Variants in ZNF880 observed in about 807,000 individuals in gnomAD.
The protein encoded by ZNF880 is zinc finger protein LOC400713.
ZNF880 carries 12 observed loss-of-function variants against 11.8 expected under a neutral mutation model. The observed-to-expected ratio is 1.02, with a 90% CI of 0.65 to 1.65. ZNF880 has a LOEUF of 1.65. Among genes scored for constraint, ZNF880 ranks in the 40% most tolerant of loss-of-function variants. ZNF880 has a pLI of 0.00. For synonymous variants in ZNF880, 210 were observed against 232.4 expected (o/e 0.90, Z 0.88); for missense variants, 601 against 673.9 (o/e 0.89, Z 1.20).
At chr19:52,370,608 A>AC (rs1225661664) in intron 1 of ZNF880, 5 of 152,004 alleles carry the variant, frequency 3.3e-5, no homozygotes. Context: ...ACATAGTGAG[A>AC]CCCCCATCTC....
chr19:52,366,929 A>G, upstream of ZNF880: 2 of 593,844 alleles, frequency 3.4e-6, no homozygotes, highest in South Asian at 4.7e-5. Flanking sequence ...ACAAATGTAA[A>G]GTTAATAACA....
the ZNF880 span, among the ~76,000 whole-genome samples, chr19:52,394,604 G>C: frequency 6.6e-6 from 1 of 152,016 alleles, no homozygotes; most frequent in Non-Finnish European, 1.5e-5. Context: ...TTGTTCTAGA[G>C]ATTTTTGTAG....
chr19:52,372,445 G>A (rs193302009), intron 1 of ZNF880, among the ~76,000 whole-genome samples: 3,868 of 148,750 alleles, frequency 0.026, 171 homozygotes, highest in African/African-American at 0.09. Context: ...CCGCCACTAC[G>A]CCTGGCTAAT....
At chr19:52,379,415 T>C in intron 3 of ZNF880, 1 of 427,168 alleles carries the variant, frequency 2.3e-6, no homozygotes, top group Non-Finnish European at 4.6e-6. Flanking sequence ...TTTTTTTTTT[T>C]GATAGAGTCT....
intron 1 of ZNF880, among the ~76,000 whole-genome samples, chr19:52,372,534 C>T (rs113063378): frequency 2.0e-5 from 3 of 150,724 alleles, no homozygotes; most frequent in African/African-American, 7.3e-5. Context: ...ATGATCCACC[C>T]GCCTTGGCCT....
intron 3 of ZNF880, among the ~76,000 whole-genome samples, chr19:52,381,633 T>A (rs1993531): frequency 0.4 from 54,832 of 136,626 alleles, 10,162 homozygotes; most frequent in South Asian, 0.54. Context: ...TCTGTAGATT[T>A]TTTAAATCTT....
At chr19:52,373,767 G>A (rs909563834) in intron 2 of ZNF880, among the ~76,000 whole-genome samples, 3 of 139,814 alleles carry the variant, frequency 2.1e-5, no homozygotes, top group Non-Finnish European at 3.0e-5. Context: ...TCCGCCTCCC[G>A]TTTTCAAGCA....
At chr19:52,369,403 C>T (rs182041675), upstream of ZNF880, among the ~76,000 whole-genome samples, 1 of 150,862 alleles carries the variant, frequency 6.6e-6, no homozygotes, top group Non-Finnish European at 1.5e-5. Flanking sequence ...CACATTCCGC[C>T]CTGGCAGGGT....
intron 3 of ZNF880, 55 bp downstream of exon 3, chr19:52,374,482 A>T: frequency 6.5e-7 from 1 of 1,550,322 alleles, no homozygotes; most frequent in Non-Finnish European, 8.7e-7. Flanking sequence ...TTTTTTAAAC[A>T]GGGTCTTGCT....
the ZNF880 span, among the ~76,000 whole-genome samples, chr19:52,392,381 A>G: frequency 1.3e-5 from 2 of 151,998 alleles, no homozygotes; most frequent in African/African-American, 4.8e-5. Flanking sequence ...GCTCATTGCA[A>G]CCGCCACCTC....
At chr19:52,380,660 T>C (rs1218506274) in intron 3 of ZNF880, among the ~76,000 whole-genome samples, 1 of 152,184 alleles carries the variant, frequency 6.6e-6, no homozygotes, top group Admixed American at 6.6e-5. Flanking sequence ...TAGTGCGTTT[T>C]ATGTATTTTT....
chr19:52,387,637 CG>C (rs1986921334), downstream of ZNF880, among the ~76,000 whole-genome samples: 1 of 141,804 alleles, frequency 7.1e-6, no homozygotes, highest in Non-Finnish European at 1.5e-5. Context: ...TTATTAGAGA[CG>C]GGGTTTCACC....
At chr19:52,371,804 G>A (rs991024070) in intron 1 of ZNF880, among the ~76,000 whole-genome samples, 2 of 152,126 alleles carry the variant, frequency 1.3e-5, no homozygotes, top group African/African-American at 4.8e-5. Context: ...CAATAGGATG[G>A]GAACAGATTG....
At chr19:52,377,181 A>G (rs1299768296) in intron 3 of ZNF880, among the ~76,000 whole-genome samples, 1 of 151,998 alleles carries the variant, frequency 6.6e-6, no homozygotes, top group Non-Finnish European at 1.5e-5. Flanking sequence ...TGACCTGTGT[A>G]TGGTCCACAC....
intron 1 of ZNF880, among the ~76,000 whole-genome samples, chr19:52,372,283 TCTA>T (rs1056179993): frequency 3.4e-5 from 5 of 149,116 alleles, no homozygotes; most frequent in Non-Finnish European, 7.4e-5. Context: ...ATTAGAAATC[TCTA>T]CTAATTTTTT....
In ZNF880 at chr19:52,384,648, A is replaced by G; in HGVS notation, c.1068A>G (p.Lys356=). 1.9e-6 allele frequency: 3 copies of G among 1,611,650 alleles called. No homozygotes were observed. Among genetic ancestry groups the G allele is most frequent in the Non-Finnish European group, 1.7e-6 (2 of 1,178,654 alleles). The change falls in exon 4 of 4, where the codon AAA becomes AAG. Residue 356 remains lysine, a synonymous_variant. Coordinates refer to ENST00000422689, the MANE Select transcript of ZNF880 (RefSeq NM_001145434.2). Reference sequence around the variant, plus strand: ...GAGAGAAACTTTACAAATGTAATAAATGTGGCAAGGTCTTCAATCGAAATG... The same window carrying G: ...GAGAGAAACTTTACAAATGTAATAAGTGTGGCAAGGTCTTCAATCGAAATG... The part of the protein sequence containing the change: ...HTGEKLYKCN[K]CGKVFNRNAH...
upstream of ZNF880, chr19:52,366,900 C>A: frequency 1.5e-6 from 1 of 657,760 alleles, no homozygotes; most frequent in Non-Finnish European, 2.6e-6. Flanking sequence ...TCTCTTGATC[C>A]ACACTGAAAG....
rs1053099248 is a variant in ZNF880 at position 52,385,710 on chromosome 19, T to C, written c.*396T>C. The C allele has an allele frequency of 5.8e-6, 1 of 172,912 alleles. No homozygotes were observed. The highest frequency in any genetic ancestry group is 2.6e-5 in the African/African-American group (1 of 38,138). 10.7% of individuals were successfully genotyped at this position (172,912 alleles called of 1,614,324 possible). A position where few individuals can be genotyped will look rare whatever the true frequency, so the allele number is the denominator to read the frequency against. ...AAATACGTTGAATCTCATGACGCGA[T>C]GCATGTCGAAGGTCCAAGGGCATGT... On this transcript the variant is annotated 3_prime_UTR_variant, in exon 4 of 4. Transcript: ENST00000422689.
rs1568664770 is a variant in ZNF880, at chr19:52,384,200, C to T, written c.620C>T (p.Thr207Ile). Residue 207 changes from threonine (T) to isoleucine (I), a missense_variant, in exon 4 of 4, where the codon ACT becomes ATT. Thr to Ile is a moderately conservative substitution (Grantham distance 89, BLOSUM62 -1). This residue lies in a region of ZNF880 where 420 missense variants were observed against 442.6 expected (regional missense o/e 0.95). Transcript: ENST00000422689. ...SRLANNQVIH[T>I]ADNPYKCNEC... ...CTTGCTAACAATCAAGTAATCCACACTGCAGATAACCCTTACAAATGTAAT... is the reference window on the plus strand; with the variant it reads ...CTTGCTAACAATCAAGTAATCCACATTGCAGATAACCCTTACAAATGTAAT... The T allele has an allele frequency of 3.1e-6, 5 of 1,611,688 alleles. No homozygotes were observed. The highest frequency in any genetic ancestry group is 4.5e-5 in the East Asian group (2 of 44,850).
Sources: gnomAD v4.1 joint callset for allele counts (sites outside exome capture counted in the v4.1 genomes callset) on GRCh38, gnomAD v4.1.1 for gene constraint, gnomAD v4.1.1 regional missense constraint, MANE v1.5 for transcripts, NCBI Gene and HGNC (gene_info 2026-07-23, HGNC 2026-07-21) for gene names.